SH3GL3: variants seen among roughly 807,000 people sequenced by gnomAD.
SH3GL3 encodes SH3 domain containing GRB2 like 3, endophilin A3.
Under a neutral mutation model 47.7 loss-of-function variants are expected in SH3GL3, and 33 were observed. The observed-to-expected ratio is 0.69, with a 90% CI of 0.52 to 0.92. The LOEUF (loss-of-function observed/expected upper bound fraction) is 0.92, where lower values mean the gene tolerates loss of function less well. Ranked by LOEUF, SH3GL3 falls within the 40% of genes least tolerant of loss-of-function variation. SH3GL3 has a pLI of 0.00. For missense variants in SH3GL3, 363 were observed against 417.8 expected, an observed-to-expected ratio of 0.87 and a Z score of 1.14; for synonymous variants, 155 against 148.8, an observed-to-expected ratio of 1.04 and a Z score of -0.30.
intron 8 of SH3GL3, 84 bp from the exon 9 acceptor site, chr15:83,617,998 C>G (rs1309010738): frequency 1.6e-5 from 15 of 939,570 alleles, no homozygotes; most frequent in Middle Eastern, 2.2e-4. Flanking sequence ...TTAAGGGTCT[C>G]TCTGAGCTTT....
In SH3GL3 at chr15:83,610,649, A is replaced by G. The variant is rs372834575; in HGVS notation, c.839-7433A>G. Among the ~76,000 whole-genome samples the G allele has an allele frequency of 2.8e-4, 43 of 152,298 alleles. No individual in the cohort carries two copies. In the South Asian group the frequency reaches 3.7e-3, roughly 13 times the overall value. On this transcript the variant is annotated intron_variant, in intron 8 of 8. Coordinates refer to ENST00000427482, the MANE Select transcript of SH3GL3 (RefSeq NM_003027.5). ...TAGGGATCAAGAACGTGGACTCTCT[A>G]CCTGGCCCGAGGTCAAGTCTCAGTG...
chr15:83,458,334 T>G (rs761381915), intron 1 of SH3GL3, among the ~76,000 whole-genome samples: 11 of 152,174 alleles, frequency 7.2e-5, no homozygotes, highest in Non-Finnish European at 1.2e-4. Flanking sequence ...ATTTCCAGGG[T>G]CATCCCAATG....
At chr15:83,594,123 T>C (rs933867371) in intron 8 of SH3GL3, among the ~76,000 whole-genome samples, 10 of 152,252 alleles carry the variant, frequency 6.6e-5, no homozygotes, top group African/African-American at 1.4e-4. Flanking sequence ...CTGGCCTTCA[T>C]AGATTTTAAA....
intron 1 of SH3GL3, among the ~76,000 whole-genome samples, chr15:83,516,796 A>G (rs960189252): frequency 6.6e-6 from 1 of 152,146 alleles, no homozygotes; most frequent in Non-Finnish European, 1.5e-5. Flanking sequence ...CAAATATCCA[A>G]ACTGTATCAG....
At chr15:83,511,449 C>G (rs980487365) in intron 1 of SH3GL3, among the ~76,000 whole-genome samples, 1 of 152,124 alleles carries the variant, frequency 6.6e-6, no homozygotes, top group African/African-American at 2.4e-5. Context: ...TCTGAATTTA[C>G]GTGACGTCAG....
chr15:83,546,676 C>A (rs2730082), intron 1 of SH3GL3, among the ~76,000 whole-genome samples: 31,248 of 151,860 alleles, frequency 0.21, 3,495 homozygotes, highest in Admixed American at 0.29. Flanking sequence ...CTTGCCAAGG[C>A]CTGTGATGAC....
rs527563777 is a variant in SH3GL3 at position 83,468,121 on chromosome 15, C to T, written c.45+20543C>T. On this transcript the variant is annotated intron_variant, in intron 1 of 8. Coordinates refer to ENST00000427482, the MANE Select transcript of SH3GL3 (RefSeq NM_003027.5). Reference sequence around the variant, plus strand: ...CTGGGATTACAGGCATGAGCCACTGCGCCCTGCCAGGTATTGTATATTCAA... The same window carrying T: ...CTGGGATTACAGGCATGAGCCACTGTGCCCTGCCAGGTATTGTATATTCAA... Among the ~76,000 whole-genome samples, 7 of 152,326 alleles carry T rather than the reference C, an allele frequency of 4.6e-5. No individual in the cohort carries two copies. In the South Asian group the frequency reaches 8.3e-4, roughly 18 times the overall value.
At chr15:83,586,782 A>C (rs2059965854) in intron 6 of SH3GL3, among the ~76,000 whole-genome samples, 1 of 152,232 alleles carries the variant, frequency 6.6e-6, no homozygotes, top group South Asian at 2.1e-4. Flanking sequence ...AATAAATTTG[A>C]ACATGTTTTT....
At chr15:83,614,427 C>T (rs548690002) in intron 8 of SH3GL3, among the ~76,000 whole-genome samples, 43 of 152,260 alleles carry the variant, frequency 2.8e-4, no homozygotes, top group African/African-American at 7.5e-4. Flanking sequence ...AGTCACGACC[C>T]AGTACAGGAG....
At chr15:83,631,272 A>T in the SH3GL3 span, among the ~76,000 whole-genome samples, 1 of 152,078 alleles carries the variant, frequency 6.6e-6, no homozygotes, top group African/African-American at 2.4e-5. Flanking sequence ...GTTGGCATTG[A>T]GTGTCTGCAG....
chr15:83,458,954 C>T (rs1214435197), intron 1 of SH3GL3, among the ~76,000 whole-genome samples: 1 of 152,212 alleles, frequency 6.6e-6, no homozygotes, highest in East Asian at 1.9e-4. Context: ...AGGTTATCTG[C>T]AAGCTGAGGA....
chr15:83,555,824 G>A (rs1019678840), intron 1 of SH3GL3, among the ~76,000 whole-genome samples: 2 of 152,178 alleles, frequency 1.3e-5, no homozygotes, highest in African/African-American at 4.8e-5. Flanking sequence ...CCTGTGTGCA[G>A]GCAAGAAGCC....
intron 6 of SH3GL3, among the ~76,000 whole-genome samples, chr15:83,577,409 TC>T (rs2059711809): frequency 6.6e-6 from 1 of 152,032 alleles, no homozygotes; most frequent in African/African-American, 2.4e-5. Flanking sequence ...CTGACTCACA[TC>T]TTTTTTTGGA....
chr15:83,519,741 A>C (rs893479555), intron 1 of SH3GL3, among the ~76,000 whole-genome samples: 4 of 152,044 alleles, frequency 2.6e-5, no homozygotes, highest in Admixed American at 6.6e-5. Context: ...TCTTAATTTT[A>C]GTGTAGTCAA....
downstream of SH3GL3, among the ~76,000 whole-genome samples, chr15:83,620,997 A>G (rs1419511463): frequency 2.0e-5 from 3 of 152,120 alleles, no homozygotes; most frequent in Non-Finnish European, 2.9e-5. Context: ...GGCTTCTTAA[A>G]CCTCATGAAC....
intron 1 of SH3GL3, among the ~76,000 whole-genome samples, chr15:83,550,938 C>A (rs1349078766): frequency 1.3e-5 from 2 of 152,222 alleles, no homozygotes; most frequent in East Asian, 1.9e-4. Context: ...TACATTTTCT[C>A]TTAGGTTCCG....
At chr15:83,474,515 C>CT (rs902602041) in intron 1 of SH3GL3, among the ~76,000 whole-genome samples, 57 of 146,540 alleles carry the variant, frequency 3.9e-4, no homozygotes, top group Middle Eastern at 3.6e-3. Flanking sequence ...ATGGCTGGCA[C>CT]TTTTTTTTTT....
At chr15:83,497,898 A>G (rs977411300) in intron 1 of SH3GL3, among the ~76,000 whole-genome samples, 20 of 152,232 alleles carry the variant, frequency 1.3e-4, no homozygotes, top group African/African-American at 4.8e-4. Flanking sequence ...TATGATTCCT[A>G]CCACACCACT....
chr15:83,463,629 C>G (rs183295536), intron 1 of SH3GL3, among the ~76,000 whole-genome samples: 1 of 152,200 alleles, frequency 6.6e-6, no homozygotes, highest in African/African-American at 2.4e-5. Flanking sequence ...CATCAGCATG[C>G]AGACATCCTC....
Sources: gnomAD v4.1 joint callset for allele counts (sites outside exome capture counted in the v4.1 genomes callset) on GRCh38, gnomAD v4.1.1 for gene constraint, MANE v1.5 for transcripts, NCBI Gene and HGNC (gene_info 2026-07-23, HGNC 2026-07-21) for gene names.